Variants in SLC30A6 observed in about 807,000 individuals in gnomAD.
SLC30A6 encodes the protein solute carrier family 30 member 6.
In SLC30A6, 55 loss-of-function variants were observed where a neutral mutation model predicts 63.0. That is an observed-to-expected ratio of 0.87 (90% CI 0.70 to 1.09). SLC30A6 has a LOEUF of 1.09. Ranked by LOEUF, SLC30A6 falls within the 50% of genes least tolerant of loss-of-function variation. SLC30A6 has a pLI of 0.00. For synonymous variants in SLC30A6, 224 were observed against 186.1 expected, an observed-to-expected ratio of 1.20 and a Z score of -1.66; for missense variants, 587 against 549.2, an observed-to-expected ratio of 1.07 and a Z score of -0.69.
intron 10 of SLC30A6, among the ~76,000 whole-genome samples, chr2:32,198,230 G>A (rs1252077050): frequency 6.6e-6 from 1 of 152,158 alleles, no homozygotes; most frequent in Non-Finnish European, 1.5e-5. Flanking sequence ...ACATGTTATG[G>A]CATATGATTC....
intron 11 of SLC30A6, 118 bp downstream of exon 11, chr2:32,204,810 A>ATTT: frequency 3.1e-6 from 1 of 326,210 alleles, no homozygotes; most frequent in Non-Finnish European, 4.8e-6. Flanking sequence ...TTTTAATTTT[A>ATTT]ATTTTTTTTT....
intron 6 of SLC30A6, 24 bp downstream of exon 6, chr2:32,192,440 C>G: frequency 6.3e-7 from 1 of 1,588,626 alleles, no homozygotes. Flanking sequence ...GGATATTATT[C>G]TAAATCCCCC....
chr2:32,221,727 G>A lies in SLC30A6; in HGVS notation c.*1014G>A, dbSNP rs1686155039. Reference sequence around the variant, plus strand: ...AAGTTTCTCTCCTTTAAAAATTTTAGTACATTTGTAAATAGTCCATGGTTC... The same window carrying A: ...AAGTTTCTCTCCTTTAAAAATTTTAATACATTTGTAAATAGTCCATGGTTC... On this transcript the variant is annotated 3_prime_UTR_variant, in exon 14 of 14. Transcript: ENST00000282587. 6.6e-6 allele frequency: 1 copy of A among 151,998 alleles called. No individual in the cohort carries two copies. Among genetic ancestry groups the A allele is most frequent in the East Asian group, 1.9e-4 (1 of 5,188 alleles). The allele number at this position is 151,998 out of a possible 1,614,324, so 9.4% of individuals were successfully genotyped here. A position where few individuals can be genotyped will look rare whatever the true frequency, so the allele number is the denominator to read the frequency against.
chr2:32,181,825 G>A (rs1682339787), intron 4 of SLC30A6, among the ~76,000 whole-genome samples: 1 of 151,336 alleles, frequency 6.6e-6, no homozygotes, highest in African/African-American at 2.4e-5. Flanking sequence ...CCAGGATTGT[G>A]CCACTGCACT....
intron 13 of SLC30A6, among the ~76,000 whole-genome samples, chr2:32,219,597 G>A (rs1010488703): frequency 6.6e-6 from 1 of 151,678 alleles, no homozygotes; most frequent in Non-Finnish European, 1.5e-5. Context: ...ACTATGCCTG[G>A]CTAATTTTTT....
At chr2:32,208,155 G>C (rs1684945262) in intron 12 of SLC30A6, among the ~76,000 whole-genome samples, 1 of 148,888 alleles carries the variant, frequency 6.7e-6, no homozygotes, top group South Asian at 2.1e-4. Flanking sequence ...TTTTGAGACT[G>C]AGTCTTGCTC....
chr2:32,196,827 G>A (rs1244129674), intron 8 of SLC30A6, among the ~76,000 whole-genome samples: 1 of 152,116 alleles, frequency 6.6e-6, no homozygotes, highest in East Asian at 1.9e-4. Flanking sequence ...TTGGGAGGCC[G>A]AGGCAGGTGG....
intron 13 of SLC30A6, among the ~76,000 whole-genome samples, chr2:32,216,579 AAATAAT>A (rs34876951): frequency 2.9e-5 from 4 of 138,546 alleles, no homozygotes; most frequent in Non-Finnish European, 6.3e-5. Context: ...ATAAATAAAT[AAATAAT>A]AATAATGATA....
intron 10 of SLC30A6, chr2:32,202,684 TGTTAGA>T (rs1044501264): frequency 4.6e-6 from 3 of 655,196 alleles, no homozygotes; most frequent in African/African-American, 1.8e-5. Flanking sequence ...GTGGATCAAA[TGTTAGA>T]GTTAGGTTTT....
At chr2:32,182,900 A>G (rs949756390) in intron 4 of SLC30A6, among the ~76,000 whole-genome samples, 6 of 152,144 alleles carry the variant, frequency 3.9e-5, no homozygotes, top group African/African-American at 1.4e-4. Flanking sequence ...AGAACATACC[A>G]GTTCTCAGCC....
chr2:32,167,588 T>G (rs1573213473), intron 1 of SLC30A6, among the ~76,000 whole-genome samples: 1 of 152,070 alleles, frequency 6.6e-6, no homozygotes, highest in East Asian at 1.9e-4. Flanking sequence ...TCATGAACCT[T>G]TCCCTCATGT....
chr2:32,213,281 A>C (rs177082), intron 13 of SLC30A6, among the ~76,000 whole-genome samples: 2 of 148,768 alleles, frequency 1.3e-5, no homozygotes, highest in South Asian at 4.2e-4. Flanking sequence ...TCTCTTGCCA[A>C]TGTTTCTTTT....
chr2:32,206,825 C>G, intron 11 of SLC30A6, 61 bp from the exon 12 acceptor site: 2 of 1,329,082 alleles, frequency 1.5e-6, no homozygotes, highest in Non-Finnish European at 2.2e-6. Context: ...GGGTTCAGGA[C>G]CATTGTTGGC....
At chr2:32,194,166 A>C (rs533370655) in intron 8 of SLC30A6, among the ~76,000 whole-genome samples, 183 bp downstream of exon 8, 6 of 152,340 alleles carry the variant, frequency 3.9e-5, no homozygotes, top group African/African-American at 1.4e-4. Context: ...CATTAGTTCA[A>C]GCTTTAAAAT....
intron 11 of SLC30A6, among the ~76,000 whole-genome samples, chr2:32,205,093 G>A (rs1053747735): frequency 3.3e-5 from 5 of 152,008 alleles, no homozygotes; most frequent in African/African-American, 9.7e-5. Context: ...GACTATACGC[G>A]AGAGCCATCG....
rs1187465834 is a variant in SLC30A6, at chr2:32,221,658, C to G, written c.*945C>G. On this transcript the variant is annotated 3_prime_UTR_variant, in exon 14 of 14. Transcript: ENST00000282587. ...TTTAGCAGAAATTTTGGAATACATT[C>G]TATCTAGCACAATTTGAATTTTTAA... 5 of 152,190 alleles carry G rather than the reference C, an allele frequency of 3.3e-5. No individual in the cohort carries two copies. Among genetic ancestry groups the G allele is most frequent in the African/African-American group, 1.2e-4 (5 of 41,452 alleles). 9.4% of individuals were successfully genotyped at this position (152,190 alleles called of 1,614,324 possible).
intron 2 of SLC30A6, among the ~76,000 whole-genome samples, chr2:32,173,524 C>T (rs930286250): frequency 3.9e-5 from 6 of 152,092 alleles, no homozygotes; most frequent in African/African-American, 9.7e-5. Context: ...GAGGTGCCTG[C>T]CACCACACCT....
In SLC30A6 at chr2:32,222,251, A is replaced by G. The variant is rs1686181837; in HGVS notation, c.*1538A>G. On this transcript the variant is annotated 3_prime_UTR_variant, in exon 14 of 14. Transcript: ENST00000282587. The stretch of plus-strand genomic sequence containing the variant: ...AAGCAGCAGTCACACATGACCTAGG[A>G]GGGTTTTTTATTGTTTTATTTTATT... The G allele has an allele frequency of 6.6e-6, 1 of 152,126 alleles. No homozygotes were observed. The highest frequency in any genetic ancestry group is 2.1e-4 in the South Asian group (1 of 4,830). The allele number at this position is 152,126 out of a possible 1,614,324, so 9.4% of individuals were successfully genotyped here.
intron 1 of SLC30A6, among the ~76,000 whole-genome samples, chr2:32,170,278 A>G (rs981183982): frequency 6.6e-6 from 1 of 152,156 alleles, no homozygotes; most frequent in Admixed American, 6.6e-5. Flanking sequence ...TAAGGGTGAA[A>G]CATTACCTTG....
Sources: gnomAD v4.1 joint callset for allele counts (sites outside exome capture counted in the v4.1 genomes callset) on GRCh38, gnomAD v4.1.1 for gene constraint, MANE v1.5 for transcripts, NCBI Gene and HGNC (gene_info 2026-07-23, HGNC 2026-07-21) for gene names.